The following ADAM10 variants were observed in gnomAD, a reference collection of about 807,000 sequenced individuals.
ADAM10 encodes disintegrin and metalloproteinase domain-containing protein 10.
Under a neutral mutation model 90.1 loss-of-function variants are expected in ADAM10, and 17 were observed. The observed-to-expected ratio is 0.19, with a 90% confidence interval of 0.13 to 0.28. The LOEUF (loss-of-function observed/expected upper bound fraction) is 0.28. Ranked by LOEUF, ADAM10 falls within the 10% of genes least tolerant of loss-of-function variation. The pLI is 1.00. For missense variants in ADAM10, 610 were observed against 914.3 expected, an observed-to-expected ratio of 0.67 and a Z score of 4.29; for synonymous variants, 310 against 298.6, an observed-to-expected ratio of 1.04 and a Z score of -0.40.
intron 2 of ADAM10, among the ~76,000 whole-genome samples, chr15:58,709,923 A>AAAC (rs1224896856): frequency 2.0e-5 from 3 of 152,246 alleles, no homozygotes; most frequent in Admixed American, 6.5e-5. Flanking sequence ...TTATATTTTA[A>AAAC]AACAACAACA....
chr15:58,686,525 T>G (rs879216695), intron 2 of ADAM10: 1 of 1,422,122 alleles, frequency 7.0e-7, no homozygotes, highest in East Asian at 2.3e-5. Flanking sequence ...TCAACAGTAC[T>G]GTATGCAGAA....
intron 11 of ADAM10, 131 bp from the exon 12 acceptor site, chr15:58,612,122 G>T (rs374530640): frequency 1.1e-6 from 1 of 930,318 alleles, no homozygotes; most frequent in Non-Finnish European, 1.7e-6. Context: ...TCACTTAAAT[G>T]ATAAGTATGT....
chr15:58,738,036 G>T (rs1476493968), intron 1 of ADAM10, among the ~76,000 whole-genome samples: 1 of 152,070 alleles, frequency 6.6e-6, no homozygotes, highest in Non-Finnish European at 1.5e-5. Context: ...CCTATTTACA[G>T]AAAAACTCAA....
intron 2 of ADAM10, among the ~76,000 whole-genome samples, chr15:58,694,659 A>G (rs1248264093): frequency 6.6e-6 from 1 of 152,156 alleles, no homozygotes; most frequent in Non-Finnish European, 1.5e-5. Flanking sequence ...CTTTATTTAT[A>G]ATAGCCAAAA....
intron 1 of ADAM10, among the ~76,000 whole-genome samples, chr15:58,718,829 T>A (rs1459160411): frequency 6.6e-6 from 1 of 152,204 alleles, no homozygotes; most frequent in Non-Finnish European, 1.5e-5. Context: ...ATATTCTGTC[T>A]GTGAACTCCA....
intron 5 of ADAM10, among the ~76,000 whole-genome samples, chr15:58,655,708 ATAGT>A (rs1346515182): frequency 0.024 from 1,618 of 67,382 alleles, 107 homozygotes; most frequent in Middle Eastern, 0.041. Flanking sequence ...ATATATATAT[ATAGT>A]ATATATATAT....
At chr15:58,652,020 T>TA (rs1896700260) in intron 5 of ADAM10, among the ~76,000 whole-genome samples, 1 of 152,234 alleles carries the variant, frequency 6.6e-6, no homozygotes. Flanking sequence ...CACCTTTTCA[T>TA]ATGCCTGTTT....
chr15:58,695,600 T>C (rs1897953957), intron 2 of ADAM10, among the ~76,000 whole-genome samples: 1 of 150,842 alleles, frequency 6.6e-6, no homozygotes. Flanking sequence ...TTCTATATGG[T>C]AAAAAAAAAT....
intron 2 of ADAM10, among the ~76,000 whole-genome samples, chr15:58,688,396 AC>A (rs1460500195): frequency 6.6e-6 from 1 of 151,950 alleles, no homozygotes; most frequent in Non-Finnish European, 1.5e-5. Flanking sequence ...ACAAAAAGAC[AC>A]TAAATATTAA....
intron 2 of ADAM10, among the ~76,000 whole-genome samples, chr15:58,685,626 A>G (rs1376432918): frequency 8.2e-5 from 12 of 146,378 alleles, no homozygotes; most frequent in Admixed American, 2.8e-4. Context: ...AGAATTTCTG[A>G]GTAAGATACA....
intron 10 of ADAM10, among the ~76,000 whole-genome samples, chr15:58,622,117 T>G (rs1487198865): frequency 6.6e-6 from 1 of 152,356 alleles, no homozygotes; most frequent in East Asian, 1.9e-4. Flanking sequence ...TTGTCTCACT[T>G]ACTCCCACAG....
chr15:58,724,411 G>C (rs1389471296), intron 1 of ADAM10, among the ~76,000 whole-genome samples: 2 of 152,100 alleles, frequency 1.3e-5, no homozygotes, highest in African/African-American at 4.8e-5. Flanking sequence ...ACTGAATTTA[G>C]CCTACCACCA....
At chr15:58,671,974 G>A (rs1249509381) in intron 4 of ADAM10, among the ~76,000 whole-genome samples, 2 of 151,868 alleles carry the variant, frequency 1.3e-5, no homozygotes, top group African/African-American at 2.4e-5. Context: ...TATAACTCTA[G>A]ACTTCAGTTT....
Position 58,660,680 on chromosome 15 carries a change from TC to T in ADAM10, c.585+4416del, listed in dbSNP as rs1168766129. Among the ~76,000 whole-genome samples, 203 of 152,324 alleles carry T rather than the reference TC, an allele frequency of 1.3e-3. 1 individual carries two copies. Among genetic ancestry groups the T allele is most frequent in the African/African-American group, 4.7e-3 (197 of 41,568 alleles). The stretch of plus-strand genomic sequence containing the variant: ...AGTTTTTTGTTCCTTTTTCTCTTCT[TC>T]CTAACTTCTCTTAACTGTTTTTAAA... On this transcript the variant is annotated intron_variant, in intron 5 of 15. Coordinates refer to ENST00000260408, the MANE Select transcript of ADAM10 (RefSeq NM_001110.4).
intron 2 of ADAM10, among the ~76,000 whole-genome samples, chr15:58,688,246 A>C (rs1897663250): frequency 1.3e-5 from 2 of 152,146 alleles, no homozygotes; most frequent in South Asian, 4.1e-4. Context: ...ATCCAGACAC[A>C]GGTGGGCACA....
intron 5 of ADAM10, among the ~76,000 whole-genome samples, chr15:58,655,834 C>T (rs1896816581): frequency 6.8e-6 from 1 of 146,288 alleles, no homozygotes; most frequent in Non-Finnish European, 1.5e-5. Context: ...GCAACCTCCA[C>T]CTCCTGGGTT....
At chr15:58,615,631 GA>G (rs1274798625) in intron 11 of ADAM10, among the ~76,000 whole-genome samples, 1 of 152,120 alleles carries the variant, frequency 6.6e-6, no homozygotes, top group Non-Finnish European at 1.5e-5. Flanking sequence ...TAAAGGAACA[GA>G]AGAAGATATT....
intron 2 of ADAM10, among the ~76,000 whole-genome samples, chr15:58,704,895 C>T (rs779384709): frequency 5.3e-5 from 8 of 152,296 alleles, no homozygotes; most frequent in Middle Eastern, 6.8e-3. Flanking sequence ...GCTCTTTCTA[C>T]TGTATCAAGA....
intron 2 of ADAM10, among the ~76,000 whole-genome samples, chr15:58,704,557 A>G (rs1361233686): frequency 5.3e-5 from 8 of 152,308 alleles, no homozygotes; most frequent in African/African-American, 1.7e-4. Context: ...TTTTACTACA[A>G]TAAAAATAAA....
Sources: gnomAD v4.1 joint callset for allele counts (sites outside exome capture counted in the v4.1 genomes callset) on GRCh38, gnomAD v4.1.1 for gene constraint, MANE v1.5 for transcripts, NCBI Gene and HGNC (gene_info 2026-07-23, HGNC 2026-07-21) for gene names.